The following SPATA16 variants were observed in gnomAD, a reference collection of about 807,000 sequenced individuals.
The protein encoded by SPATA16 is spermatogenesis associated 16.
In SPATA16, 36 loss-of-function variants were observed where a neutral mutation model predicts 63.3. The ratio of observed to expected loss-of-function variants is 0.57; its 90% CI spans 0.44 to 0.75. The LOEUF is 0.75. Ranked by LOEUF, SPATA16 falls within the 30% of genes least tolerant of loss-of-function variation. The probability of loss-of-function intolerance (pLI) is 0.00; values close to 1 mark genes in which losing one functional copy is unlikely to be tolerated. For synonymous variants in SPATA16, 203 were observed against 216.7 expected, an observed-to-expected ratio of 0.94 and a Z score of 0.56; for missense variants, 646 against 679.3, an observed-to-expected ratio of 0.95 and a Z score of 0.54.
chr3:173,128,975 G>C (rs1280970812), intron 1 of SPATA16, among the ~76,000 whole-genome samples: 1 of 152,246 alleles, frequency 6.6e-6, no homozygotes, highest in Non-Finnish European at 1.5e-5. Context: ...CTGCCAGAAA[G>C]ACAGAGGCTG....
At chr3:173,140,894 T>G (rs1738695762) in intron 1 of SPATA16, among the ~76,000 whole-genome samples, 1 of 152,192 alleles carries the variant, frequency 6.6e-6, no homozygotes, top group Admixed American at 6.5e-5. Flanking sequence ...ACTACCTGTC[T>G]TCTAACTGCC....
intron 2 of SPATA16, among the ~76,000 whole-genome samples, chr3:173,084,143 G>A (rs1350928888): frequency 1.3e-5 from 2 of 152,128 alleles, no homozygotes; most frequent in African/African-American, 4.8e-5. Context: ...CCCACCAACA[G>A]TGTAAGTGTT....
At chr3:172,953,565 A>G (rs927647686) in intron 6 of SPATA16, among the ~76,000 whole-genome samples, 2 of 152,206 alleles carry the variant, frequency 1.3e-5, no homozygotes, top group Non-Finnish European at 2.9e-5. Context: ...CAATAAACAG[A>G]ATGGAGAACC....
chr3:173,063,147 C>G (rs1327866180), intron 2 of SPATA16, among the ~76,000 whole-genome samples: 2 of 152,122 alleles, frequency 1.3e-5, no homozygotes, highest in African/African-American at 4.8e-5. Context: ...ATATCTATAT[C>G]CATGTCATCT....
chr3:173,003,849 T>C (rs542712126), intron 4 of SPATA16, among the ~76,000 whole-genome samples: 1 of 152,332 alleles, frequency 6.6e-6, no homozygotes, highest in South Asian at 2.1e-4. Context: ...GTCTTTTATA[T>C]TCATTATTTC....
chr3:172,993,403 C>CA (rs1272370618), intron 4 of SPATA16, among the ~76,000 whole-genome samples: 1 of 151,974 alleles, frequency 6.6e-6, no homozygotes, highest in Non-Finnish European at 1.5e-5. Flanking sequence ...AATCAAACAT[C>CA]TTGTGGGCAA....
intron 4 of SPATA16, among the ~76,000 whole-genome samples, chr3:173,013,762 T>C (rs1220266996): frequency 6.6e-6 from 1 of 152,210 alleles, no homozygotes; most frequent in African/African-American, 2.4e-5. Flanking sequence ...ACCTTCATTC[T>C]ACTGCTTAAA....
intron 10 of SPATA16, among the ~76,000 whole-genome samples, chr3:172,898,817 T>C (rs1732063360): frequency 6.6e-6 from 1 of 151,812 alleles, no homozygotes; most frequent in African/African-American, 2.4e-5. Context: ...TGATTTGAGA[T>C]AGCTTCTTCT....
intron 6 of SPATA16, among the ~76,000 whole-genome samples, chr3:172,931,615 G>C (rs1732874140): frequency 6.6e-6 from 1 of 152,032 alleles, no homozygotes; most frequent in Non-Finnish European, 1.5e-5. Flanking sequence ...AATTTAATCT[G>C]AAAACATACA....
chr3:173,000,333 G>C lies in SPATA16; in HGVS notation c.848+19153C>G, dbSNP rs147611773. 4.3e-3 allele frequency among the ~76,000 whole-genome samples: 662 copies of C among 152,252 alleles called. 2 individuals are homozygous for C. Among genetic ancestry groups the C allele is most frequent in the African/African-American group, 0.015 (603 of 41,554 alleles). Reference sequence around the variant, plus strand: ...GTGCCCAGTCTAATGTATTTTGTTAGAGTAACCCAAATAGACTGAGATAGT... The same window carrying C: ...GTGCCCAGTCTAATGTATTTTGTTACAGTAACCCAAATAGACTGAGATAGT... On this transcript the variant is annotated intron_variant, in intron 4 of 10. Coordinates refer to ENST00000351008, the MANE Select transcript of SPATA16 (RefSeq NM_031955.6).
At chr3:172,959,271 G>T (rs1733680886) in intron 5 of SPATA16, among the ~76,000 whole-genome samples, 1 of 152,160 alleles carries the variant, frequency 6.6e-6, no homozygotes, top group African/African-American at 2.4e-5. Flanking sequence ...TAAGACTCGT[G>T]CCCAAGAACC....
chr3:172,972,986 C>T (rs1734080947), intron 5 of SPATA16, among the ~76,000 whole-genome samples: 1 of 152,158 alleles, frequency 6.6e-6, no homozygotes, highest in South Asian at 2.1e-4. Context: ...ATTGTTGATT[C>T]ATGCTGACCC....
intron 4 of SPATA16, among the ~76,000 whole-genome samples, chr3:173,016,538 G>T (rs1018086236): frequency 2.7e-4 from 41 of 152,166 alleles, no homozygotes; most frequent in Non-Finnish European, 5.9e-5. Flanking sequence ...GATCTCCTAA[G>T]TCACATAATA....
At chr3:172,995,282 A>G (rs1285453961) in intron 4 of SPATA16, among the ~76,000 whole-genome samples, 5 of 152,048 alleles carry the variant, frequency 3.3e-5, no homozygotes, top group African/African-American at 1.2e-4. Flanking sequence ...GTTGATTCCT[A>G]TAACAACTTT....
intron 4 of SPATA16, among the ~76,000 whole-genome samples, chr3:172,986,991 A>G (rs1734473930): frequency 6.6e-6 from 1 of 152,210 alleles, no homozygotes; most frequent in South Asian, 2.1e-4. Context: ...GACCTTAAAT[A>G]TGGTACATTC....
At chr3:172,971,421 C>G (rs1465109106) in intron 5 of SPATA16, among the ~76,000 whole-genome samples, 1 of 152,170 alleles carries the variant, frequency 6.6e-6, no homozygotes, top group Non-Finnish European at 1.5e-5. Flanking sequence ...ATTGATTTAA[C>G]AAATCTGTAT....
At chr3:172,974,151 T>C (rs562784222) in intron 5 of SPATA16, among the ~76,000 whole-genome samples, 2 of 152,296 alleles carry the variant, frequency 1.3e-5, no homozygotes, top group South Asian at 4.2e-4. Flanking sequence ...TCTGAGAGTT[T>C]GTAAGTCAAC....
intron 4 of SPATA16, among the ~76,000 whole-genome samples, chr3:172,994,888 G>T (rs1377759583): frequency 6.6e-6 from 1 of 152,052 alleles, no homozygotes; most frequent in African/African-American, 2.4e-5. Flanking sequence ...TAGAATACTT[G>T]AGAGTTAAGT....
chr3:172,932,160 A>G lies in SPATA16; in HGVS notation c.1082-6668T>C, dbSNP rs78236396. 5.7e-3 allele frequency among the ~76,000 whole-genome samples: 862 copies of G among 152,328 alleles called. 6 individuals carry two copies. The highest frequency in any genetic ancestry group is 0.02 in the African/African-American group (834 of 41,578). ...AGCACTAAGCATAGACACTATTGTT[A>G]TCTGTATTTTCTGTTGGACACCTCA... On this transcript the variant is annotated intron_variant, in intron 6 of 10. Transcript: ENST00000351008.
Sources: allele counts gnomAD v4.1 joint callset (sites outside exome capture counted in the v4.1 genomes callset), GRCh38; gene constraint gnomAD v4.1.1; transcripts MANE v1.5; gene names NCBI Gene and HGNC (gene_info 2026-07-23, HGNC 2026-07-21).